NRXN1: variants seen among roughly 807,000 people sequenced by gnomAD.
The protein encoded by NRXN1 is neurexin-1.
Under a neutral mutation model 150.9 loss-of-function variants are expected in NRXN1, and 39 were observed. The observed-to-expected ratio is 0.26, with a 90% CI of 0.20 to 0.34. NRXN1 has a LOEUF of 0.34. NRXN1 is among the 10% of genes least tolerant of loss of function. NRXN1 has a pLI of 1.00. For synonymous variants in NRXN1, 924 were observed against 757.0 expected, an observed-to-expected ratio of 1.22 and a Z score of -3.62; for missense variants, 1,815 against 1,949.9, an observed-to-expected ratio of 0.93 and a Z score of 1.30.
At chr2:50,067,568 C>T (rs1400023144) in intron 19 of NRXN1, among the ~76,000 whole-genome samples, 1 of 152,132 alleles carries the variant, frequency 6.6e-6, no homozygotes, top group African/African-American at 2.4e-5. Context: ...TAACAAAATA[C>T]AGAACTTACT....
At chr2:50,621,196 G>A in intron 7 of NRXN1, 30 bp downstream of exon 7, 1 of 1,550,228 alleles carries the variant, frequency 6.5e-7, no homozygotes, top group Non-Finnish European at 8.7e-7. Context: ...CAATTAGAAT[G>A]ATATCTACCG....
intron 17 of NRXN1, among the ~76,000 whole-genome samples, chr2:50,359,874 A>C (rs2079069408): frequency 6.6e-6 from 1 of 152,318 alleles, no homozygotes; most frequent in East Asian, 1.9e-4. Flanking sequence ...TGGGCTACCC[A>C]CAAATGGAAG....
At chr2:50,449,630 T>C (rs532149434) in intron 17 of NRXN1, among the ~76,000 whole-genome samples, 13 of 152,300 alleles carry the variant, frequency 8.5e-5, no homozygotes, top group African/African-American at 3.1e-4. Flanking sequence ...ATTTCAACTT[T>C]TATTTTAAAT....
chr2:50,994,110 G>C (rs1255609970), intron 2 of NRXN1, among the ~76,000 whole-genome samples: 1 of 151,908 alleles, frequency 6.6e-6, no homozygotes, highest in Non-Finnish European at 1.5e-5. Context: ...GATAGGGATT[G>C]TCATTGTCTC....
chr2:50,432,417 A>G (rs1470827598), intron 17 of NRXN1: 1 of 152,180 alleles, frequency 6.6e-6, no homozygotes, highest in Non-Finnish European at 1.5e-5. Context: ...GGATCTTGTA[A>G]AATGCTTCTC....
At chr2:50,147,005 A>AT (rs1356518094) in intron 18 of NRXN1, among the ~76,000 whole-genome samples, 1 of 151,870 alleles carries the variant, frequency 6.6e-6, no homozygotes, top group East Asian at 1.9e-4. Context: ...TTCCCTAAGA[A>AT]TAATTTTGTT....
intron 17 of NRXN1, among the ~76,000 whole-genome samples, chr2:50,275,866 A>G (rs1365581774): frequency 6.6e-6 from 1 of 152,072 alleles, no homozygotes; most frequent in East Asian, 1.9e-4. Flanking sequence ...GAATTGCTGT[A>G]TAACTATAGT....
At chr2:50,180,874 A>G (rs2060666562) in intron 18 of NRXN1, among the ~76,000 whole-genome samples, 2 of 152,194 alleles carry the variant, frequency 1.3e-5, no homozygotes. Flanking sequence ...TGAATTAAAT[A>G]AAAGAATCTA....
chr2:50,848,759 G>A (rs1241896283), intron 5 of NRXN1, among the ~76,000 whole-genome samples: 1 of 152,098 alleles, frequency 6.6e-6, no homozygotes, highest in Non-Finnish European at 1.5e-5. Context: ...TTTGGATGTG[G>A]CAAAAATGCC....
In NRXN1 at chr2:50,055,050, A is replaced by C; in HGVS notation, c.3719-6T>G. 6.3e-7 allele frequency: 1 copy of C among 1,576,428 alleles called. No individual in the cohort carries two copies. Among genetic ancestry groups the C allele is most frequent in the Non-Finnish European group, 8.6e-7 (1 of 1,159,962 alleles). On this transcript the variant is annotated splice_region_variant and splice_polypyrimidine_tract_variant and intron_variant, in intron 19 of 22. Transcript: ENST00000401669. ...GCGCTCGTTATCATTGTTTCCTTTA[A>C]AGTTTAAAGAGACATTTCATTGGTT...
At chr2:50,592,853 G>A (rs990105928) in intron 8 of NRXN1, among the ~76,000 whole-genome samples, 5 of 152,184 alleles carry the variant, frequency 3.3e-5, no homozygotes, top group African/African-American at 1.2e-4. Context: ...TTGTCCAAGT[G>A]CAGAGAACAA....
intron 22 of NRXN1, among the ~76,000 whole-genome samples, chr2:49,935,756 G>A (rs576405186): frequency 2.3e-4 from 35 of 152,254 alleles, no homozygotes; most frequent in African/African-American, 7.5e-4. Context: ...CCAAGAGAAC[G>A]CCACAGGAAG....
At chr2:49,974,160 T>A (rs1295102430) in intron 21 of NRXN1, 1 of 711,998 alleles carries the variant, frequency 1.4e-6, no homozygotes, top group Non-Finnish European at 2.6e-6. Flanking sequence ...CAGCCCGGCC[T>A]ATCAGTGCCC....
At chr2:50,441,291 T>A (rs996678055) in intron 17 of NRXN1, among the ~76,000 whole-genome samples, 2 of 152,146 alleles carry the variant, frequency 1.3e-5, no homozygotes, top group African/African-American at 4.8e-5. Flanking sequence ...GTAAATGGAT[T>A]ATTAGTTCTT....
chr2:50,109,592 T>A (rs1702111358), intron 18 of NRXN1, among the ~76,000 whole-genome samples: 1 of 144,298 alleles, frequency 6.9e-6, no homozygotes, highest in Non-Finnish European at 1.5e-5. Context: ...AAAGGATCCT[T>A]AAAAAAAAAA....
chr2:50,057,315 G>C (rs1179299898), intron 19 of NRXN1, among the ~76,000 whole-genome samples: 8 of 151,970 alleles, frequency 5.3e-5, no homozygotes, highest in Non-Finnish European at 1.2e-4. Flanking sequence ...TGCACATGTA[G>C]CTTCCTTTAT....
intron 21 of NRXN1, among the ~76,000 whole-genome samples, chr2:50,004,090 T>G (rs553634302): frequency 9.2e-5 from 14 of 152,214 alleles, no homozygotes; most frequent in South Asian, 8.3e-4. Context: ...GTAAAAAGTT[T>G]ACATTGGTGG....
intron 21 of NRXN1, among the ~76,000 whole-genome samples, chr2:50,000,824 C>T (rs571759568): frequency 1.3e-5 from 2 of 152,198 alleles, no homozygotes; most frequent in South Asian, 4.1e-4. Context: ...AACTGGTGAG[C>T]AAGGCAGGCT....
At chr2:50,420,468 T>C (rs2083898374) in intron 17 of NRXN1, among the ~76,000 whole-genome samples, 1 of 151,706 alleles carries the variant, frequency 6.6e-6, no homozygotes, top group South Asian at 2.1e-4. Flanking sequence ...ATGAGTGACA[T>C]TTATTGGCAA....
Sources: gnomAD v4.1 joint callset for allele counts (sites outside exome capture counted in the v4.1 genomes callset) on GRCh38, gnomAD v4.1.1 for gene constraint, MANE v1.5 for transcripts, NCBI Gene and HGNC (gene_info 2026-07-23, HGNC 2026-07-21) for gene names.